Variants in CPNE4 observed in about 807,000 individuals in gnomAD.
CPNE4 encodes the protein copine 4, also known as copine-4.
A neutral mutation model predicts 67.9 loss-of-function variants in CPNE4; 25 were observed. The observed-to-expected ratio is 0.37, with a 90% confidence interval of 0.27 to 0.51. The LOEUF (loss-of-function observed/expected upper bound fraction) is 0.51, where lower values mean the gene tolerates loss of function less well. Ranked by LOEUF, CPNE4 falls within the 20% of genes least tolerant of loss-of-function variation. The pLI is 0.93. For missense variants in CPNE4, 464 were observed against 690.8 expected (o/e 0.67, Z 3.68); for synonymous variants, 242 against 244.9 (o/e 0.99, Z 0.11).
At chr3:131,668,729 C>T (rs544295453) in intron 7 of CPNE4, among the ~76,000 whole-genome samples, 2 of 152,162 alleles carry the variant, frequency 1.3e-5, no homozygotes, top group Non-Finnish European at 2.9e-5. Flanking sequence ...AACGTCTAGA[C>T]TTTCAAGGTA....
chr3:131,580,686 A>C (rs1265347042), intron 9 of CPNE4, among the ~76,000 whole-genome samples: 1 of 152,146 alleles, frequency 6.6e-6, no homozygotes, highest in African/African-American at 2.4e-5. Flanking sequence ...AGTTTATTAT[A>C]GTTATTTTTG....
intron 1 of CPNE4, among the ~76,000 whole-genome samples, chr3:131,927,825 T>C (rs966752107): frequency 1.3e-5 from 2 of 152,212 alleles, no homozygotes; most frequent in Non-Finnish European, 2.9e-5. Flanking sequence ...GACATAGAAG[T>C]AGCTGGATCA....
chr3:131,912,680 C>T (rs940342239), intron 1 of CPNE4, among the ~76,000 whole-genome samples: 10 of 152,086 alleles, frequency 6.6e-5, no homozygotes, highest in Non-Finnish European at 1.3e-4. Flanking sequence ...CTTGAACTTA[C>T]CCATAGGTGG....
chr3:131,764,402 T>A (rs1456150988), intron 2 of CPNE4, among the ~76,000 whole-genome samples: 3 of 152,168 alleles, frequency 2.0e-5, no homozygotes, highest in Admixed American at 2.0e-4. Context: ...TTTTTGCTTA[T>A]CTCTTAGTTC....
At chr3:131,745,802 A>G (rs1352285270) in intron 2 of CPNE4, among the ~76,000 whole-genome samples, 2 of 152,064 alleles carry the variant, frequency 1.3e-5, no homozygotes, top group Admixed American at 6.6e-5. Flanking sequence ...CTGTTGCTAT[A>G]TGGTAATTCT....
chr3:131,689,769 A>G (rs1212133305), intron 5 of CPNE4, among the ~76,000 whole-genome samples: 1 of 152,196 alleles, frequency 6.6e-6, no homozygotes, highest in Non-Finnish European at 1.5e-5. Flanking sequence ...AAAGAAGTCA[A>G]ATTGTCTCTC....
At chr3:131,719,607 C>T (rs984548296) in intron 3 of CPNE4, among the ~76,000 whole-genome samples, 1 of 152,142 alleles carries the variant, frequency 6.6e-6, no homozygotes, top group Non-Finnish European at 1.5e-5. Flanking sequence ...ATGATATTTT[C>T]AGTTCAAGGA....
intron 1 of CPNE4, among the ~76,000 whole-genome samples, chr3:131,927,536 C>T (rs1465430695): frequency 1.3e-5 from 2 of 152,150 alleles, no homozygotes; most frequent in Non-Finnish European, 2.9e-5. Flanking sequence ...ACTGGGTGCT[C>T]TTGGAGGTCA....
intron 3 of CPNE4, among the ~76,000 whole-genome samples, chr3:131,704,021 T>C (rs2081362354): frequency 6.6e-6 from 1 of 152,188 alleles, no homozygotes; most frequent in African/African-American, 2.4e-5. Flanking sequence ...AGAGCTTTAG[T>C]TGTGAATCCC....
In CPNE4 at chr3:131,992,337, T is replaced by A. The variant is rs569165177; in HGVS notation, c.-2+42230A>T. ...ACCTCTTCCATTAGTATGACCTGGGTGTGAGACATGGGGTCAAAGGGGATC... is the reference window on the plus strand; with the variant it reads ...ACCTCTTCCATTAGTATGACCTGGGAGTGAGACATGGGGTCAAAGGGGATC... On this transcript the variant is annotated intron_variant, in intron 1 of 15. Coordinates refer to ENST00000429747, the MANE Select transcript of CPNE4 (RefSeq NM_130808.3). 2.2e-5 allele frequency among the ~76,000 whole-genome samples: 3 copies of A among 136,934 alleles called. 1 individual carries two copies. In the South Asian group the frequency reaches 7.5e-4, roughly 34 times the overall value. The allele number at this position is 136,934 out of a possible 152,430, so 89.8% of individuals were successfully genotyped here.
At chr3:132,029,964 C>T (rs1163106957) in intron 1 of CPNE4, among the ~76,000 whole-genome samples, 1 of 152,188 alleles carries the variant, frequency 6.6e-6, no homozygotes. Flanking sequence ...CAATTTTTTA[C>T]AGAACATGCA....
At chr3:131,665,269 A>C (rs2080229262) in intron 7 of CPNE4, among the ~76,000 whole-genome samples, 1 of 152,176 alleles carries the variant, frequency 6.6e-6, no homozygotes, top group Admixed American at 6.6e-5. Flanking sequence ...TGAATAAGAC[A>C]AGGAGGCCCT....
intron 5 of CPNE4, among the ~76,000 whole-genome samples, chr3:131,691,501 A>G (rs2081032294): frequency 6.6e-6 from 1 of 152,134 alleles, no homozygotes. Context: ...TTGGGTACAC[A>G]TGGACATAAA....
intron 1 of CPNE4, among the ~76,000 whole-genome samples, chr3:131,945,637 C>T (rs960241199): frequency 1.3e-5 from 2 of 152,160 alleles, no homozygotes; most frequent in Non-Finnish European, 2.9e-5. Flanking sequence ...AGTGTAGAAA[C>T]TGCATCGTAG....
At chr3:131,716,665 G>A (rs1157705332) in intron 3 of CPNE4, among the ~76,000 whole-genome samples, 1 of 152,162 alleles carries the variant, frequency 6.6e-6, no homozygotes, top group Admixed American at 6.5e-5. Flanking sequence ...AGTAATAACA[G>A]CTTCCCCATC....
intron 1 of CPNE4, among the ~76,000 whole-genome samples, chr3:132,011,814 A>G (rs1315720895): frequency 1.3e-5 from 2 of 152,240 alleles, no homozygotes; most frequent in Admixed American, 6.5e-5. Flanking sequence ...CTGTGTCAAA[A>G]GTGTTCCAGT....
At chr3:131,748,938 T>A (rs1240335564) in intron 2 of CPNE4, among the ~76,000 whole-genome samples, 6 of 152,038 alleles carry the variant, frequency 3.9e-5, no homozygotes, top group Non-Finnish European at 5.9e-5. Context: ...TTCTCTGTTG[T>A]TTTTCTATTT....
intron 2 of CPNE4, among the ~76,000 whole-genome samples, chr3:131,876,381 G>A (rs57978981): frequency 0.35 from 53,319 of 151,290 alleles, 10,527 homozygotes; most frequent in African/African-American, 0.53. Context: ...GGTGGCTCAC[G>A]CCTGTAATCC....
At chr3:131,660,873 A>G (rs2080106328) in intron 7 of CPNE4, among the ~76,000 whole-genome samples, 1 of 152,150 alleles carries the variant, frequency 6.6e-6, no homozygotes, top group African/African-American at 2.4e-5. Flanking sequence ...ACCCATTGGA[A>G]TATAGGCAGC....
Sources: gnomAD v4.1 joint callset for allele counts (sites outside exome capture counted in the v4.1 genomes callset) on GRCh38, gnomAD v4.1.1 for gene constraint, MANE v1.5 for transcripts, NCBI Gene and HGNC (gene_info 2026-07-23, HGNC 2026-07-21) for gene names.